The following MEOX2 variants were observed in gnomAD, a reference collection of about 807,000 sequenced individuals.
MEOX2 encodes mesenchyme homeobox 2.
In MEOX2, 11 loss-of-function variants were observed where a neutral mutation model predicts 27.0. The observed-to-expected ratio is 0.41, with a 90% CI of 0.26 to 0.68. MEOX2 has a LOEUF of 0.68. MEOX2 is among the 30% of genes least tolerant of loss of function. The pLI is 0.33. For missense variants in MEOX2, 436 were observed against 385.4 expected, an observed-to-expected ratio of 1.13 and a Z score of -1.10; for synonymous variants, 189 against 155.4, an observed-to-expected ratio of 1.22 and a Z score of -1.61.
intron 2 of MEOX2, among the ~76,000 whole-genome samples, chr7:15,625,040 G>A (rs1781278649): frequency 6.6e-6 from 1 of 152,266 alleles, no homozygotes; most frequent in South Asian, 2.1e-4. Flanking sequence ...CCCCCAAAAT[G>A]TCAAGTACAG....
intron 2 of MEOX2, among the ~76,000 whole-genome samples, chr7:15,617,583 A>G (rs1781143134): frequency 6.6e-6 from 1 of 152,104 alleles, no homozygotes; most frequent in Non-Finnish European, 1.5e-5. Flanking sequence ...GATTAAGAGA[A>G]GGAATTCTTC....
Position 15,612,343 on chromosome 7 carries a change from CACA to C in MEOX2, c.*41_*43del, listed in dbSNP as rs771037202. On this transcript the variant is annotated 3_prime_UTR_variant, in exon 3 of 3. Coordinates refer to ENST00000262041, the MANE Select transcript of MEOX2 (RefSeq NM_005924.5). ...ACGATATTTGGGTAAGGCTTGCCAT[CACA>C]ACATTTCTTTCCTGAGAATGGAGCT... The C allele has an allele frequency of 6.6e-6, 10 of 1,503,934 alleles. No individual in the cohort carries two copies. The East Asian group carries it at 6.8e-5, about 10-fold the overall frequency. The allele number at this position is 1,503,934 out of a possible 1,614,324, so 93.2% of individuals were successfully genotyped here.
intron 2 of MEOX2, among the ~76,000 whole-genome samples, chr7:15,618,042 C>G (rs1055594935): frequency 5.3e-5 from 8 of 152,010 alleles, no homozygotes; most frequent in Non-Finnish European, 1.2e-4. Context: ...CTTATACTCT[C>G]ACTCTTCTTT....
At chr7:15,641,251 G>A (rs1781556098) in intron 1 of MEOX2, among the ~76,000 whole-genome samples, 2 of 152,140 alleles carry the variant, frequency 1.3e-5, no homozygotes, top group African/African-American at 4.8e-5. Flanking sequence ...TCTCTTGGGA[G>A]ATTGTATGTT....
intron 1 of MEOX2, among the ~76,000 whole-genome samples, chr7:15,645,611 T>A (rs546354291): frequency 6.6e-5 from 10 of 152,118 alleles, no homozygotes; most frequent in South Asian, 2.1e-4. Flanking sequence ...TGTAAAGAAT[T>A]GGTTGGTAAA....
intron 1 of MEOX2, among the ~76,000 whole-genome samples, chr7:15,667,057 C>T (rs990961584): frequency 2.7e-5 from 4 of 150,356 alleles, no homozygotes; most frequent in South Asian, 2.1e-4. Context: ...TTTGGGAAGC[C>T]GAGGAGGACA....
intron 2 of MEOX2, among the ~76,000 whole-genome samples, chr7:15,615,955 C>G (rs1186679241): frequency 6.6e-6 from 1 of 151,760 alleles, no homozygotes; most frequent in Non-Finnish European, 1.5e-5. Context: ...ATGGGCAATT[C>G]TAAATAAGAT....
chr7:15,620,719 A>G (rs17334667), intron 2 of MEOX2, among the ~76,000 whole-genome samples: 6,975 of 152,326 alleles, frequency 0.046, 236 homozygotes, highest in Non-Finnish European at 0.075. Context: ...ATTTATGAGT[A>G]AAAAACAAAA....
At chr7:15,632,290 T>G (rs1250923059) in intron 1 of MEOX2, among the ~76,000 whole-genome samples, 1 of 151,830 alleles carries the variant, frequency 6.6e-6, no homozygotes, top group African/African-American at 2.4e-5. Context: ...TCATTTTAAT[T>G]CCTTATTTTT....
At chr7:15,647,217 T>A (rs978488165) in intron 1 of MEOX2, among the ~76,000 whole-genome samples, 2 of 152,130 alleles carry the variant, frequency 1.3e-5, no homozygotes, top group Middle Eastern at 3.4e-3. Context: ...AAGGTAATCA[T>A]CCAATTCCCA....
chr7:15,629,470 A>G (rs1475411450), intron 1 of MEOX2, among the ~76,000 whole-genome samples: 1 of 152,104 alleles, frequency 6.6e-6, no homozygotes, highest in Non-Finnish European at 1.5e-5. Context: ...GTGAAATCCA[A>G]TGACTAAAAT....
intron 1 of MEOX2, among the ~76,000 whole-genome samples, chr7:15,673,401 A>C (rs1782136009): frequency 6.6e-6 from 1 of 152,146 alleles, no homozygotes; most frequent in African/African-American, 2.4e-5. Context: ...AATATATTAC[A>C]GGCTATGGGA....
At chr7:15,645,434 G>A (rs1305800973) in intron 1 of MEOX2, among the ~76,000 whole-genome samples, 1 of 152,098 alleles carries the variant, frequency 6.6e-6, no homozygotes, top group East Asian at 1.9e-4. Context: ...TCCAAATACC[G>A]AAATGTAAAA....
intron 2 of MEOX2, 74 bp from the exon 3 acceptor site, chr7:15,612,685 C>T: frequency 1.6e-6 from 2 of 1,288,958 alleles, no homozygotes; most frequent in Non-Finnish European, 2.2e-6. Flanking sequence ...TCCTTAGTGT[C>T]ATCAATGAAA....
chr7:15,674,345 G>C (rs564483362), intron 1 of MEOX2, among the ~76,000 whole-genome samples: 1 of 152,182 alleles, frequency 6.6e-6, no homozygotes, highest in South Asian at 2.1e-4. Context: ...CTGGGGGAAA[G>C]AACTAAATTA....
chr7:15,628,973 T>C (rs1401319094), intron 1 of MEOX2, among the ~76,000 whole-genome samples: 2 of 152,074 alleles, frequency 1.3e-5, no homozygotes, highest in Admixed American at 6.6e-5. Context: ...ATCCCTGCTT[T>C]GCCTAAAATC....
chr7:15,669,449 A>G lies in MEOX2; in HGVS notation c.517+16437T>C, dbSNP rs182228163. On this transcript the variant is annotated intron_variant, in intron 1 of 2. Coordinates refer to ENST00000262041, the MANE Select transcript of MEOX2 (RefSeq NM_005924.5). ...CATAAATTCTAACGTGAATATGTCC[A>G]GTAATATCTTTGCCTAATGTGTAGC... Among the ~76,000 whole-genome samples the G allele has an allele frequency of 3.3e-3, 508 of 152,364 alleles. 8 individuals are homozygous for G. Among genetic ancestry groups the G allele is most frequent in the Non-Finnish European group, 7.1e-4 (48 of 68,040 alleles).
chr7:15,619,107 T>C (rs1157061699), intron 2 of MEOX2, among the ~76,000 whole-genome samples: 2 of 152,014 alleles, frequency 1.3e-5, no homozygotes, highest in African/African-American at 4.8e-5. Context: ...TGTATAGATG[T>C]CACAGAACAT....
chr7:15,669,006 A>G (rs1782054749), intron 1 of MEOX2, among the ~76,000 whole-genome samples: 1 of 152,230 alleles, frequency 6.6e-6, no homozygotes, highest in Non-Finnish European at 1.5e-5. Flanking sequence ...CACGGAAAAA[A>G]CAATAGCACC....
Sources: gnomAD v4.1 joint callset for allele counts (sites outside exome capture counted in the v4.1 genomes callset) on GRCh38, gnomAD v4.1.1 for gene constraint, MANE v1.5 for transcripts, NCBI Gene and HGNC (gene_info 2026-07-23, HGNC 2026-07-21) for gene names.